The following JAKMIP1 variants were observed in gnomAD, a reference collection of about 807,000 sequenced individuals.
JAKMIP1 encodes the protein janus kinase and microtubule interacting protein 1.
A neutral mutation model predicts 113.0 loss-of-function variants in JAKMIP1; 33 were observed. That is an observed-to-expected ratio of 0.29 (90% CI 0.22 to 0.39). JAKMIP1 has a LOEUF of 0.39. JAKMIP1 is among the 10% of genes least tolerant of loss of function. JAKMIP1 has a pLI of 1.00. For synonymous variants in JAKMIP1, 480 were observed against 459.9 expected, an observed-to-expected ratio of 1.04 and a Z score of -0.56; for missense variants, 813 against 1,080.5, an observed-to-expected ratio of 0.75 and a Z score of 3.47.
intron 3 of JAKMIP1, among the ~76,000 whole-genome samples, chr4:6,101,837 C>G (rs1264260374): frequency 6.7e-6 from 1 of 148,354 alleles, no homozygotes; most frequent in Non-Finnish European, 1.5e-5. Context: ...ACCCAGGAGG[C>G]AGAAGTTGCA....
intron 18 of JAKMIP1, among the ~76,000 whole-genome samples, chr4:6,037,961 C>G (rs1713754963): frequency 7.7e-6 from 1 of 130,108 alleles, no homozygotes. Context: ...CAGTAGCCCT[C>G]CATCACCGAG....
chr4:6,059,793 G>A lies in JAKMIP1; in HGVS notation c.1644+631C>T, dbSNP rs983249979. ...CCACAGCAGCACTTCTGACACAGAG[G>A]AGGCCGACCCATACGAACCTTCGCA... On this transcript the variant is annotated intron_variant, in intron 11 of 20. Transcript: ENST00000409021. This position sits in a 1 kb window ranked among gnomAD's most constrained non-coding sequence, Gnocchi z 4.8. 2.6e-5 allele frequency among the ~76,000 whole-genome samples: 4 copies of A among 152,090 alleles called. No homozygotes were observed. The highest frequency in any genetic ancestry group is 4.4e-5 in the Non-Finnish European group (3 of 68,014).
chr4:6,182,424 AAAGAAAG>A lies in JAKMIP1; in HGVS notation c.-148+17822_-148+17828del, dbSNP rs1217447546. ...ACCCTGTCTCAGAAAAAAAAAAAAAAAAGAAAGAAAGAAAGAAAGAAAAGAAAAGAAA... is the reference window on the plus strand; with the variant it reads ...ACCCTGTCTCAGAAAAAAAAAAAAAAAAAGAAAGAAAGAAAAGAAAAGAAA... On this transcript the variant is annotated intron_variant, in intron 1 of 20. Transcript: ENST00000409021. Among the ~76,000 whole-genome samples the A allele has an allele frequency of 9.8e-4, 102 of 103,658 alleles. 1 individual carries two copies. Among genetic ancestry groups the A allele is most frequent in the Middle Eastern group, 5.3e-3 (1 of 188 alleles). 68.0% of individuals were successfully genotyped at this position (103,658 alleles called of 152,430 possible).
chr4:6,152,789 A>AATATATATATATATATATATACATATAT (rs755506728), intron 1 of JAKMIP1, among the ~76,000 whole-genome samples: 1 of 135,294 alleles, frequency 7.4e-6, no homozygotes, highest in Non-Finnish European at 1.6e-5. Context: ...TAAAAATACA[A>AATATATATATATATATATATACATATAT]ATATATATAT....
intron 2 of JAKMIP1, among the ~76,000 whole-genome samples, chr4:6,110,005 A>G (rs1321599448): frequency 6.6e-6 from 1 of 152,174 alleles, no homozygotes; most frequent in Non-Finnish European, 1.5e-5. Flanking sequence ...CACGTCCCAG[A>G]GGCAGGGAGG....
Position 6,135,450 on chromosome 4 carries a change from G to A in JAKMIP1, c.-147-22453C>T, listed in dbSNP as rs1008531562. Among the ~76,000 whole-genome samples the A allele has an allele frequency of 6.6e-6, 1 of 152,126 alleles. No individual in the cohort carries two copies. Among genetic ancestry groups the A allele is most frequent in the Non-Finnish European group, 1.5e-5 (1 of 68,038 alleles). ...CCAGTCTCCAGAATTGGGAGCAAAT[G>A]TCTGTGGTGTGAGCCGCCCAGTCTG... On this transcript the variant is annotated intron_variant, in intron 1 of 20. Coordinates refer to ENST00000409021, the MANE Select transcript of JAKMIP1 (RefSeq NM_001099433.2). The surrounding 1 kb of genome is among the most constrained non-coding windows in gnomAD (Gnocchi z 4.9).
chr4:6,029,248 A>T lies in JAKMIP1; in HGVS notation c.2445+468T>A, dbSNP rs575156287. ...GGCTGGTGGAACATACCCAAAGCCCATTGAGAGGCCAGCCTCACGTCTTCT... is the reference window on the plus strand; with the variant it reads ...GGCTGGTGGAACATACCCAAAGCCCTTTGAGAGGCCAGCCTCACGTCTTCT... On this transcript the variant is annotated intron_variant, in intron 20 of 20. Coordinates refer to ENST00000409021, the MANE Select transcript of JAKMIP1 (RefSeq NM_001099433.2). Among the ~76,000 whole-genome samples, 24 of 152,354 alleles carry T rather than the reference A, an allele frequency of 1.6e-4. 1 individual carries two copies. Among genetic ancestry groups the T allele is most frequent in the African/African-American group, 5.3e-4 (22 of 41,588 alleles).
chr4:6,153,017 A>G lies in JAKMIP1; in HGVS notation c.-147-40020T>C, dbSNP rs988617288. Among the ~76,000 whole-genome samples the G allele has an allele frequency of 8.6e-5, 13 of 151,934 alleles. No individual in the cohort carries two copies. Among genetic ancestry groups the G allele is most frequent in the African/African-American group, 3.1e-4 (13 of 41,346 alleles). On this transcript the variant is annotated intron_variant, in intron 1 of 20. Transcript: ENST00000409021. The surrounding 1 kb of genome is among the most constrained non-coding windows in gnomAD (Gnocchi z 4.9). The stretch of plus-strand genomic sequence containing the variant: ...GCATCCCTTAGCCCCAATTCTAGGA[A>G]ACCCACATCACCTTCCTGTTAACCT...
rs1877764 is a variant in JAKMIP1 at position 6,097,976 on chromosome 4, A to T, written c.624+7497T>A. 0.94 allele frequency among the ~76,000 whole-genome samples: 142,456 copies of T among 152,086 alleles called. 67,324 individuals are homozygous for T. The highest frequency in any genetic ancestry group is 1 in the East Asian group (5,177 of 5,178). Reference sequence around the variant, plus strand: ...TGGCTCACTTACATTGTGGGACAGAAAAGCGGTAACTGTGACTTGAATCAG... The same window carrying T: ...TGGCTCACTTACATTGTGGGACAGATAAGCGGTAACTGTGACTTGAATCAG... On this transcript the variant is annotated intron_variant, in intron 3 of 20. Coordinates refer to ENST00000409021, the MANE Select transcript of JAKMIP1 (RefSeq NM_001099433.2). This position sits in a 1 kb window ranked among gnomAD's most constrained non-coding sequence, Gnocchi z 4.3.
chr4:6,050,019 G>A lies in JAKMIP1; in HGVS notation c.1909-147C>T, dbSNP rs1715458317. 3 of 631,396 alleles carry A rather than the reference G, an allele frequency of 4.8e-6. No homozygotes were observed. In the African/African-American group the frequency reaches 5.5e-5, roughly 12 times the overall value. 39.1% of individuals were successfully genotyped at this position (631,396 alleles called of 1,614,324 possible). The stretch of plus-strand genomic sequence containing the variant: ...GTTTTGCGCCCAGCCGTTCCTCTGG[G>A]GAGTGAGGGAGAGAAGGCATAACTG... On this transcript the variant is annotated intron_variant, in intron 14 of 20. Coordinates refer to ENST00000409021, the MANE Select transcript of JAKMIP1 (RefSeq NM_001099433.2). The surrounding 1 kb of genome is among the most constrained non-coding windows in gnomAD (Gnocchi z 7.4).
intron 3 of JAKMIP1, among the ~76,000 whole-genome samples, chr4:6,098,144 TTCC>T (rs1386932205): frequency 3.9e-5 from 6 of 152,104 alleles, no homozygotes; most frequent in Non-Finnish European, 1.5e-5. Flanking sequence ...AAAAGAAACA[TTCC>T]TCGTCGCGTG....
At chr4:6,146,839 C>T (rs759741888) in intron 1 of JAKMIP1, among the ~76,000 whole-genome samples, 1 of 152,218 alleles carries the variant, frequency 6.6e-6, no homozygotes, top group Non-Finnish European at 1.5e-5. Flanking sequence ...CTCCCTCTCC[C>T]TACCGTACAC....
At chr4:6,032,147 G>A (rs1398102891) in intron 19 of JAKMIP1, among the ~76,000 whole-genome samples, 1 of 152,302 alleles carries the variant, frequency 6.6e-6, no homozygotes. Context: ...CCCCTCTGCT[G>A]TAATGTCTGT....
intron 1 of JAKMIP1, 140 bp from the exon 2 acceptor site, chr4:6,113,137 T>C (rs904330752): frequency 2.6e-6 from 1 of 390,010 alleles, no homozygotes; most frequent in African/African-American, 2.0e-5. Context: ...GCCTTCCCGA[T>C]GGGGGCTGCA....
At chr4:6,068,916 A>C (rs959118994) in intron 8 of JAKMIP1, among the ~76,000 whole-genome samples, 1 of 152,144 alleles carries the variant, frequency 6.6e-6, no homozygotes, top group African/African-American at 2.4e-5. Context: ...AGTGTTTATA[A>C]CATTTTATAA....
chr4:6,053,701 C>T lies in JAKMIP1; in HGVS notation c.1806+349G>A, dbSNP rs975520775. 1.4e-4 allele frequency: 131 copies of T among 926,410 alleles called. 1 individual carries two copies. Among genetic ancestry groups the T allele is most frequent in the Admixed American group, 6.3e-4 (13 of 20,692 alleles). The allele number at this position is 926,410 out of a possible 1,614,324, so 57.4% of individuals were successfully genotyped here. ...GTGCAGAATGCGTACCCGGTGACTA[C>T]GCATGCAGGAAAGAAGTAGTTATGG... On this transcript the variant is annotated intron_variant, in intron 13 of 20. Transcript: ENST00000409021.
chr4:6,032,455 A>G (rs1160433243), intron 19 of JAKMIP1, among the ~76,000 whole-genome samples: 1 of 152,156 alleles, frequency 6.6e-6, no homozygotes, highest in African/African-American at 2.4e-5. Context: ...GACCTTGGAC[A>G]AGTTGCTTAC....
Position 6,050,622 on chromosome 4 carries a change from G to A in JAKMIP1, c.1864C>T (p.His622Tyr). 3 of 1,576,784 alleles carry A rather than the reference G, an allele frequency of 1.9e-6. No individual in the cohort carries two copies. Among genetic ancestry groups the A allele is most frequent in the East Asian group, 2.3e-5 (1 of 43,172 alleles). ...CAGAACAGCTGGAGAGCGCTGCTGT[G>A]GTTCTCGGGGAAGGTGGTGATTTGG... ...NLQITTFPEN[H>Y]SSALQLFCHQ... Residue 622 changes from histidine to tyrosine, a missense_variant, in exon 14 of 21, where the codon CAC (histidine) becomes TAC (tyrosine). This residue lies in a region of JAKMIP1 where 273 missense variants were observed against 426.6 expected (regional missense o/e 0.64). Transcript: ENST00000409021. The surrounding 1 kb of genome is among the most constrained non-coding windows in gnomAD (Gnocchi z 7.4).
chr4:6,136,058 G>A lies in JAKMIP1; in HGVS notation c.-147-23061C>T, dbSNP rs1395245433. Among the ~76,000 whole-genome samples, 2 of 151,994 alleles carry A rather than the reference G, an allele frequency of 1.3e-5. No homozygotes were observed. The highest frequency in any genetic ancestry group is 4.8e-5 in the African/African-American group (2 of 41,364). On this transcript the variant is annotated intron_variant, in intron 1 of 20. Coordinates refer to ENST00000409021, the MANE Select transcript of JAKMIP1 (RefSeq NM_001099433.2). The surrounding 1 kb of genome is among the most constrained non-coding windows in gnomAD (Gnocchi z 5.9). ...GTCAGGAGTTCAAGATCAGCCTGGC[G>A]AACAGGGTGAAACCCCATCTCTACT... is the stretch of plus-strand genomic sequence containing the variant.
Sources: gnomAD v4.1 joint callset for allele counts (sites outside exome capture counted in the v4.1 genomes callset) on GRCh38, gnomAD v4.1.1 for gene constraint, gnomAD v4.1.1 regional missense constraint, Gnocchi (gnomAD v3.1) non-coding constraint, MANE v1.5 for transcripts, NCBI Gene and HGNC (gene_info 2026-07-23, HGNC 2026-07-21) for gene names.